The following RHBDD1 variants were observed in gnomAD, a reference collection of about 807,000 sequenced individuals.
RHBDD1 encodes rhomboid domain containing 1.
In RHBDD1, 38 loss-of-function variants were observed where a neutral mutation model predicts 36.3. That is an observed-to-expected ratio of 1.05 (90% CI 0.81 to 1.37). RHBDD1 has a LOEUF of 1.37. Ranked by LOEUF, RHBDD1 falls within the 40% of genes most tolerant of loss-of-function variation. The pLI, the probability that RHBDD1 is intolerant of heterozygous loss-of-function variation, is 0.00. For missense variants in RHBDD1, 393 were observed against 377.6 expected, an observed-to-expected ratio of 1.04 and a Z score of -0.34; for synonymous variants, 151 against 136.5, an observed-to-expected ratio of 1.11 and a Z score of -0.74.
chr2:226,916,451 G>A (rs896526679), intron 8 of RHBDD1, among the ~76,000 whole-genome samples: 2 of 152,004 alleles, frequency 1.3e-5, no homozygotes, highest in African/African-American at 2.4e-5. Flanking sequence ...ATCACCACTG[G>A]GCTATCCATG....
At chr2:226,918,965 C>T (rs1390852804) in intron 8 of RHBDD1, among the ~76,000 whole-genome samples, 2 of 151,950 alleles carry the variant, frequency 1.3e-5, no homozygotes, top group Admixed American at 6.6e-5. Context: ...TCCATATCCT[C>T]GCAAGCATTT....
chr2:226,881,522 A>G (rs1184453149), intron 5 of RHBDD1, among the ~76,000 whole-genome samples: 1 of 152,176 alleles, frequency 6.6e-6, no homozygotes, highest in East Asian at 1.9e-4. Context: ...CTCATCATTC[A>G]GATTATAAGT....
At chr2:226,926,021 C>T (rs1575122937) in intron 8 of RHBDD1, among the ~76,000 whole-genome samples, 1 of 151,932 alleles carries the variant, frequency 6.6e-6, no homozygotes, top group Non-Finnish European at 1.5e-5. Context: ...GGGCTGAACC[C>T]TCTGACAGGT....
At chr2:226,881,426 T>G (rs552947539) in intron 5 of RHBDD1, among the ~76,000 whole-genome samples, 88 of 152,342 alleles carry the variant, frequency 5.8e-4, no homozygotes, top group African/African-American at 1.9e-3. Flanking sequence ...TAGAGAAGCC[T>G]CCTTTTTAAT....
intron 8 of RHBDD1, among the ~76,000 whole-genome samples, chr2:226,956,751 A>G (rs548969413): frequency 1.7e-3 from 256 of 152,338 alleles, no homozygotes; most frequent in African/African-American, 5.9e-3. Flanking sequence ...TGATAAAGGA[A>G]AGGACACTAG....
At chr2:226,946,921 C>T (rs1394138040) in intron 8 of RHBDD1, among the ~76,000 whole-genome samples, 4 of 152,168 alleles carry the variant, frequency 2.6e-5, no homozygotes, top group Non-Finnish European at 5.9e-5. Flanking sequence ...TCAACATACA[C>T]GAATCAGTAA....
At chr2:226,869,817 G>A (rs1264690389) in intron 5 of RHBDD1, among the ~76,000 whole-genome samples, 4 of 152,034 alleles carry the variant, frequency 2.6e-5, no homozygotes, top group African/African-American at 7.3e-5. Context: ...ATTTTCCTTC[G>A]TGTCCTGAGA....
chr2:226,874,288 C>T (rs866814026), intron 5 of RHBDD1, among the ~76,000 whole-genome samples: 15 of 152,202 alleles, frequency 9.9e-5, no homozygotes, highest in Middle Eastern at 3.4e-3. Context: ...GGTTGGGGGA[C>T]AAAGAATGTG....
chr2:226,889,457 A>G (rs953137392), intron 5 of RHBDD1, among the ~76,000 whole-genome samples: 1 of 152,232 alleles, frequency 6.6e-6, no homozygotes, highest in Non-Finnish European at 1.5e-5. Context: ...GGAAAAGGAT[A>G]ACAAAAGATC....
chr2:226,854,645 C>T (rs1943148889), intron 3 of RHBDD1, among the ~76,000 whole-genome samples: 1 of 150,092 alleles, frequency 6.7e-6, no homozygotes, highest in African/African-American at 2.5e-5. Context: ...TCATATAGCT[C>T]CCAAGCAATT....
intron 5 of RHBDD1, among the ~76,000 whole-genome samples, chr2:226,903,068 GTTATTA>G (rs1249013787): frequency 2.6e-5 from 4 of 152,096 alleles, no homozygotes; most frequent in Non-Finnish European, 5.9e-5. Flanking sequence ...CTAAATTGAA[GTTATTA>G]TTATTTTTTT....
chr2:226,913,153 G>GT (rs1233419894), intron 7 of RHBDD1, among the ~76,000 whole-genome samples: 3 of 151,712 alleles, frequency 2.0e-5, no homozygotes, highest in Non-Finnish European at 4.4e-5. Context: ...GCTGGATTGT[G>GT]TTTTTTTTCT....
intron 3 of RHBDD1, among the ~76,000 whole-genome samples, chr2:226,840,187 C>A (rs1941454574): frequency 6.6e-6 from 1 of 152,152 alleles, no homozygotes; most frequent in Non-Finnish European, 1.5e-5. Context: ...AATCAACCAG[C>A]TGCTTTGTGG....
chr2:226,924,619 C>T (rs1328004635), intron 8 of RHBDD1, among the ~76,000 whole-genome samples: 1 of 152,156 alleles, frequency 6.6e-6, no homozygotes, highest in Non-Finnish European at 1.5e-5. Context: ...ACTCAGACTA[C>T]CTTTCAAGTT....
At chr2:226,934,725 T>A (rs996939170) in intron 8 of RHBDD1, among the ~76,000 whole-genome samples, 1 of 152,070 alleles carries the variant, frequency 6.6e-6, no homozygotes, top group Non-Finnish European at 1.5e-5. Context: ...GATACCACAG[T>A]AATAGAAAAA....
intron 3 of RHBDD1, among the ~76,000 whole-genome samples, chr2:226,843,518 T>C (rs754141424): frequency 3.3e-5 from 5 of 152,228 alleles, no homozygotes; most frequent in Non-Finnish European, 5.9e-5. Flanking sequence ...TCTGCATCAG[T>C]TGAGATACTC....
intron 8 of RHBDD1, among the ~76,000 whole-genome samples, chr2:226,969,419 A>T (rs1333502179): frequency 7.5e-6 from 1 of 133,260 alleles, no homozygotes; most frequent in African/African-American, 2.9e-5. Context: ...TTTTTTAAGG[A>T]AGTAGACCTG....
At chr2:226,863,677 T>G (rs13419349) in intron 3 of RHBDD1, among the ~76,000 whole-genome samples, 35,965 of 152,166 alleles carry the variant, frequency 0.24, 7,926 homozygotes, top group African/African-American at 0.59. Context: ...GCCTAAAGTT[T>G]TCACATGTTG....
At chr2:226,867,796 G>T (rs1241506581) in intron 5 of RHBDD1, 2 of 355,518 alleles carry the variant, frequency 5.6e-6, no homozygotes, top group Non-Finnish European at 7.8e-6. Context: ...TCAGCTCACT[G>T]CAACCTCCAC....
Sources: gnomAD v4.1 joint callset for allele counts (sites outside exome capture counted in the v4.1 genomes callset) on GRCh38, gnomAD v4.1.1 for gene constraint, MANE v1.5 for transcripts, NCBI Gene and HGNC (gene_info 2026-07-23, HGNC 2026-07-21) for gene names.